TDRD6: variants seen among roughly 807,000 people sequenced by gnomAD.
The protein encoded by TDRD6 is tudor domain containing 6.
A neutral mutation model predicts 157.5 loss-of-function variants in TDRD6; 186 were observed. That is an observed-to-expected ratio of 1.18 (90% CI 1.05 to 1.33). TDRD6 has a LOEUF of 1.33. Ranked by LOEUF, TDRD6 falls within the 40% of genes most tolerant of loss-of-function variation. TDRD6 has a pLI of 0.00. For synonymous variants in TDRD6, 1,075 were observed against 945.2 expected, an observed-to-expected ratio of 1.14 and a Z score of -2.52; for missense variants, 3,066 against 2,508.0, an observed-to-expected ratio of 1.22 and a Z score of -4.75.
rs368044284 is a variant in TDRD6, at chr6:46,693,787, G to T, written c.5659G>T (p.Ala1887Ser). Residue 1887 changes from alanine to serine, a missense_variant, in exon 1 of 4, where the codon GCC becomes TCC. Coordinates refer to ENST00000316081, the MANE Select transcript of TDRD6 (RefSeq NM_001010870.3). ...PLSQECVTKG[A>S]MELFTLQLPL... is the part of the protein sequence containing the mutation. ...CTCCCAAGAGTGTGTCACAAAAGGC[G>T]CCATGGAGCTATTTACACTGCAGCT... 2.5e-6 allele frequency: 4 copies of T among 1,614,036 alleles called. No individual in the cohort carries two copies. The highest frequency in any genetic ancestry group is 4.5e-5 in the East Asian group (2 of 44,882).
In TDRD6 at chr6:46,693,078, A is replaced by G. The variant is rs1402008235; in HGVS notation, c.4950A>G (p.Gly1650=). ...CAGAAGGATTATGTTCTCAAGAGGG[A>G]AATGACTATTTCTATGAAATAATAA... ...NISEGLCSQE[G]NDYFYEIITE... Residue 1650 remains glycine, a synonymous_variant, in exon 1 of 4, where the codon GGA becomes GGG. Coordinates refer to ENST00000316081, the MANE Select transcript of TDRD6 (RefSeq NM_001010870.3). 1 of 1,613,990 alleles carries G rather than the reference A, an allele frequency of 6.2e-7. No homozygotes were observed. The highest frequency in any genetic ancestry group is 1.7e-5 in the Admixed American group (1 of 59,968).
chr6:46,698,214 A>C (rs934347925), intron 3 of TDRD6, 127 bp downstream of exon 3: 2 of 572,932 alleles, frequency 3.5e-6, no homozygotes, highest in Admixed American at 2.9e-5. Context: ...CAATAGTTAA[A>C]AACAGCAATA....
At position 46,688,147 on chromosome 6, in the gene TDRD6, A is replaced by G; in HGVS notation, c.19A>G (p.Met7Val). 6.5e-7 allele frequency: 1 copy of G among 1,542,276 alleles called. No individual in the cohort carries two copies. Among genetic ancestry groups the G allele is most frequent in the Non-Finnish European group, 8.7e-7 (1 of 1,150,992 alleles). ...CGTCAAGATGTGCTCGACGCCCGGA[A>G]TGCCGGCGCCGGGGGCCTCGCTGGC... MCSTPG[M>V]PAPGASLALR... Residue 7 changes from methionine to valine, a missense_variant, in exon 1 of 4, where the codon ATG becomes GTG. Met to Val is a conservative substitution (Grantham distance 21). Coordinates refer to ENST00000316081, the MANE Select transcript of TDRD6 (RefSeq NM_001010870.3).
Position 46,693,499 on chromosome 6 carries a change from G to T in TDRD6, c.5371G>T (p.Glu1791Ter). The T allele has an allele frequency of 6.2e-7, 1 of 1,613,824 alleles. No individual in the cohort carries two copies. Among genetic ancestry groups the T allele is most frequent in the Non-Finnish European group, 8.5e-7 (1 of 1,179,922 alleles). ...ENPCKDKIDTEELEGELECHL... is the reference protein window; with the variant it reads ...ENPCKDKIDT ...CCCCTGCAAAGATAAAATTGATACT[G>T]AGGAACTGGAAGGTGAATTAGAGTG... The change falls in exon 1 of 4, where the codon GAG (glutamate) becomes TAG (stop). Residue 1791 changes from glutamate to a stop codon, truncating the protein, a stop_gained. Coordinates refer to ENST00000316081, the MANE Select transcript of TDRD6 (RefSeq NM_001010870.3). LOFTEE classifies it high-confidence loss of function.
rs968314658 is a variant in TDRD6, at chr6:46,688,226, G to A, written c.98G>A (p.Trp33Ter). ...CCCGATGTGATCCCGGTGCAGCTGT[G>A]GGGGCTGGTGGGCGAGCGGCGGGGC... ...VHPDVIPVQL[W>*]GLVGERRGEY... The change falls in exon 1 of 4, where the codon TGG becomes TAG. Residue 33 changes from tryptophan to a stop codon, truncating the protein, a stop_gained. Transcript: ENST00000316081. LOFTEE classifies it high-confidence loss of function. 2.6e-6 allele frequency: 4 copies of A among 1,531,448 alleles called. No homozygotes were observed. The highest frequency in any genetic ancestry group is 4.1e-5 in the Admixed American group (2 of 48,786). 94.9% of individuals were successfully genotyped at this position (1,531,448 alleles called of 1,614,324 possible).
Position 46,687,902 on chromosome 6 carries a change from C to G in TDRD6, c.-227C>G, listed in dbSNP as rs1044748359. ...GTAAATGCGTGCCCGGAAGCGCGAC[C>G]TCGGGCGGTTGGAGGGGCTACCGGG... On this transcript the variant is annotated 5_prime_UTR_variant, in exon 1 of 4. Coordinates refer to ENST00000316081, the MANE Select transcript of TDRD6 (RefSeq NM_001010870.3). The G allele has an allele frequency of 8.4e-6, 5 of 591,760 alleles. No homozygotes were observed. The highest frequency in any genetic ancestry group is 1.3e-5 in the Non-Finnish European group (5 of 374,114). The allele number at this position is 591,760 out of a possible 1,614,324, so 36.7% of individuals were successfully genotyped here.
chr6:46,683,515 T>A (rs751343529), upstream of TDRD6, among the ~76,000 whole-genome samples: 4 of 152,032 alleles, frequency 2.6e-5, no homozygotes, highest in Non-Finnish European at 5.9e-5. Context: ...ACAAATTTTC[T>A]TCAAAAGACA....
At chr6:46,682,144 T>C in the TDRD6 span, among the ~76,000 whole-genome samples, 6 of 152,058 alleles carry the variant, frequency 3.9e-5, no homozygotes, top group Admixed American at 3.3e-4. Flanking sequence ...TCCAGCATCA[T>C]ATAAAGTATA....
At position 46,688,153 on chromosome 6, in the gene TDRD6, G is replaced by A; in HGVS notation, c.25G>A (p.Ala9Thr). The change falls in exon 1 of 4, where the codon GCG becomes ACG. Residue 9 changes from alanine to threonine, a missense_variant. By Grantham distance (58) the Ala-to-Thr change is moderately conservative (BLOSUM62 0). Transcript: ENST00000316081. ...GATGTGCTCGACGCCCGGAATGCCG[G>A]CGCCGGGGGCCTCGCTGGCCCTGCG... is the stretch of plus-strand genomic sequence containing the variant. MCSTPGMPAPGASLALRVS... is the reference protein window; with the variant it reads MCSTPGMPTPGASLALRVS... 1.3e-6 allele frequency: 2 copies of A among 1,543,878 alleles called. No individual in the cohort carries two copies. The highest frequency in any genetic ancestry group is 8.7e-7 in the Non-Finnish European group (1 of 1,151,592).
rs1273302714 is a variant in TDRD6 at position 46,702,109 on chromosome 6, CTTTA to C, written c.*225_*228del. ...TATATACAGATCTGGGATCTTTCGT[CTTTA>C]TTGTCTTACGTTTCTAATTAGTTGG... On this transcript the variant is annotated 3_prime_UTR_variant, in exon 4 of 4. Transcript: ENST00000316081. 2.6e-6 allele frequency: 1 copy of C among 387,150 alleles called. No individual in the cohort carries two copies. Among genetic ancestry groups the C allele is most frequent in the Non-Finnish European group, 4.6e-6 (1 of 216,398 alleles). The allele number at this position is 387,150 out of a possible 1,614,324, so 24.0% of individuals were successfully genotyped here. A position where few individuals can be genotyped will look rare whatever the true frequency, so the allele number is the denominator to read the frequency against.
Position 46,693,717 on chromosome 6 carries a change from T to G in TDRD6, c.5589T>G (p.Asp1863Glu). Residue 1863 changes from aspartate to glutamate, a missense_variant, in exon 1 of 4, where the codon GAT becomes GAG. Transcript: ENST00000316081. ...SIELQNSLVV[D>E]EEKGELSPVP... ...AGTTACAGAATTCTCTGGTGGTGGATGAAGAAAAAGGGGAGCTAAGCCCGG... is the reference window on the plus strand; with the variant it reads ...AGTTACAGAATTCTCTGGTGGTGGAGGAAGAAAAAGGGGAGCTAAGCCCGG... The G allele has an allele frequency of 6.2e-7, 1 of 1,614,114 alleles. No individual in the cohort carries two copies. The highest frequency in any genetic ancestry group is 8.5e-7 in the Non-Finnish European group (1 of 1,180,018).
At position 46,696,474 on chromosome 6, in the gene TDRD6, G is replaced by GTATA. The variant is rs1286889467; in HGVS notation, c.6171+545_6171+548dup. On this transcript the variant is annotated intron_variant, in intron 2 of 3. Coordinates refer to ENST00000316081, the MANE Select transcript of TDRD6 (RefSeq NM_001010870.3). Reference sequence around the variant, plus strand: ...TATATATATATATATGTATATGTGTGTATATATATATATATATATGTATAT... The same window carrying GTATA: ...TATATATATATATATGTATATGTGTGTATATATATATATATATATATATGTATAT... Among the ~76,000 whole-genome samples the GTATA allele has an allele frequency of 8.0e-3, 1,051 of 131,472 alleles. 6 individuals are homozygous for GTATA. The highest frequency in any genetic ancestry group is 0.021 in the African/African-American group (714 of 34,684). The allele number at this position is 131,472 out of a possible 152,430, so 86.3% of individuals were successfully genotyped here.
rs1431900281 is a variant in TDRD6 at position 46,693,657 on chromosome 6, T to C, written c.5529T>C (p.Asp1843=). The change falls in exon 1 of 4, where the codon GAT becomes GAC. Residue 1843 remains aspartate, a synonymous_variant. Transcript: ENST00000316081. ...NSLEVPLSPD[D]ESKEFLELES... ...TTGAGGTGCCGCTTTCTCCTGATGA[T>C]GAATCAAAAGAATTCTTAGAACTGG... The C allele has an allele frequency of 6.2e-7, 1 of 1,614,172 alleles. No homozygotes were observed. The highest frequency in any genetic ancestry group is 8.5e-7 in the Non-Finnish European group (1 of 1,180,036).
At chr6:46,684,802 G>T (rs1764051545), upstream of TDRD6, among the ~76,000 whole-genome samples, 1 of 151,904 alleles carries the variant, frequency 6.6e-6, no homozygotes, top group African/African-American at 2.4e-5. Context: ...CCAGGTTTTT[G>T]CATGAGCATG....
chr6:46,692,139 A>G lies in TDRD6; in HGVS notation c.4011A>G (p.Arg1337=), dbSNP rs1240686174. Residue 1337 remains arginine (R), a synonymous_variant, in exon 1 of 4, where the codon AGA becomes AGG. Transcript: ENST00000316081. ...CTGAAATTAGTCATCTTTCAGAGAG[A>G]TTAAACAGTGTTAAAACAAGGCCCG... ...DEAEISHLSE[R]LNSVKTRPEY... is the part of the protein sequence containing the mutation. 6.2e-7 allele frequency: 1 copy of G among 1,614,102 alleles called. No individual in the cohort carries two copies.
chr6:46,697,275 T>C (rs967037452), intron 2 of TDRD6, among the ~76,000 whole-genome samples: 10 of 152,144 alleles, frequency 6.6e-5, no homozygotes, highest in Admixed American at 4.6e-4. Flanking sequence ...ACCCATTGCC[T>C]CTACCAGGGA....
In TDRD6 at chr6:46,693,125, C is replaced by T; in HGVS notation, c.4997C>T (p.Thr1666Ile). The change falls in exon 1 of 4, where the codon ACA (threonine) becomes ATA (isoleucine). Residue 1666 changes from threonine to isoleucine, a missense_variant. Coordinates refer to ENST00000316081, the MANE Select transcript of TDRD6 (RefSeq NM_001010870.3). ...ATAACAGAAGATGTGTTGGAAATAA[C>T]AATACTAGAAATCAGAAGGGATGTT... is the stretch of plus-strand genomic sequence containing the variant. ...EIITEDVLEITILEIRRDVCD... is the reference protein window; with the variant it reads ...EIITEDVLEIIILEIRRDVCD... 6.2e-7 allele frequency: 1 copy of T among 1,612,594 alleles called. No homozygotes were observed. Among genetic ancestry groups the T allele is most frequent in the Non-Finnish European group, 8.5e-7 (1 of 1,179,528 alleles).
In TDRD6 at chr6:46,690,880, C is replaced by T; in HGVS notation, c.2752C>T (p.Leu918=). The T allele has an allele frequency of 1.2e-6, 2 of 1,613,584 alleles. No individual in the cohort carries two copies. The highest frequency in any genetic ancestry group is 1.7e-6 in the Non-Finnish European group (2 of 1,179,884). Residue 918 remains leucine (L), a synonymous_variant, in exon 1 of 4, where the codon CTA becomes TTA. Transcript: ENST00000316081. The part of the protein sequence containing the change: ...EFIDNAWQKN[L]ELKCTIFALA... ...TATAGATAATGCATGGCAAAAAAATCTAGAATTAAAATGTACAATATTTGC... is the reference window on the plus strand; with the variant it reads ...TATAGATAATGCATGGCAAAAAAATTTAGAATTAAAATGTACAATATTTGC...
chr6:46,682,061 G>A, the TDRD6 span, among the ~76,000 whole-genome samples: 4 of 151,966 alleles, frequency 2.6e-5, no homozygotes, highest in Admixed American at 1.3e-4. Flanking sequence ...TTTGTTTTAC[G>A]TATATTTTAC....
Sources: allele counts gnomAD v4.1 joint callset (sites outside exome capture counted in the v4.1 genomes callset), GRCh38; gene constraint gnomAD v4.1.1; transcripts MANE v1.5; gene names NCBI Gene and HGNC (gene_info 2026-07-23, HGNC 2026-07-21).